The following STAU2 variants were observed in gnomAD, a reference collection of about 807,000 sequenced individuals.
The protein encoded by STAU2 is double-stranded RNA-binding protein Staufen homolog 2.
In STAU2, 20 loss-of-function variants were observed where a neutral mutation model predicts 65.9. That is an observed-to-expected ratio of 0.30 (90% CI 0.21 to 0.44). The LOEUF (loss-of-function observed/expected upper bound fraction) is 0.44. Among genes scored for constraint, STAU2 ranks in the 20% least tolerant of loss-of-function variants. The pLI, the probability that STAU2 is intolerant of heterozygous loss-of-function variation, is 1.00. For missense variants in STAU2, 558 were observed against 683.9 expected, an observed-to-expected ratio of 0.82 and a Z score of 2.05; for synonymous variants, 232 against 233.9, an observed-to-expected ratio of 0.99 and a Z score of 0.07.
At chr8:73,450,381 C>T (rs776799254) in intron 13 of STAU2, among the ~76,000 whole-genome samples, 1 of 152,032 alleles carries the variant, frequency 6.6e-6, no homozygotes, top group Non-Finnish European at 1.5e-5. Flanking sequence ...AAGTTTCACC[C>T]GATTGCCAAA....
chr8:73,725,447 T>C (rs1303825809), intron 3 of STAU2, among the ~76,000 whole-genome samples: 2 of 152,232 alleles, frequency 1.3e-5, no homozygotes, highest in African/African-American at 4.8e-5. Context: ...TTAATTTCTA[T>C]GTATAAGCCC....
chr8:73,459,192 C>A (rs1193064077), intron 13 of STAU2, among the ~76,000 whole-genome samples: 2 of 152,026 alleles, frequency 1.3e-5, no homozygotes, highest in Non-Finnish European at 2.9e-5. Context: ...AATGCAGAGA[C>A]ATAATTTGAA....
chr8:73,433,425 C>T (rs959659779), intron 13 of STAU2, among the ~76,000 whole-genome samples: 1 of 150,898 alleles, frequency 6.6e-6, no homozygotes, highest in Admixed American at 6.6e-5. Context: ...AGGATGGTCT[C>T]GATCTCCTGA....
chr8:73,614,644 C>T (rs192533004), intron 8 of STAU2, among the ~76,000 whole-genome samples: 1 of 152,186 alleles, frequency 6.6e-6, no homozygotes, highest in African/African-American at 2.4e-5. Context: ...TAATTGTTCA[C>T]ATTAGATCAT....
At chr8:73,684,797 G>A (rs1198884969) in intron 5 of STAU2, among the ~76,000 whole-genome samples, 1 of 152,052 alleles carries the variant, frequency 6.6e-6, no homozygotes, top group African/African-American at 2.4e-5. Context: ...CTAAGGACAC[G>A]AATAGATAAT....
intron 6 of STAU2, among the ~76,000 whole-genome samples, chr8:73,658,943 C>A (rs28718449): frequency 0.067 from 9,383 of 140,998 alleles, 354 homozygotes; most frequent in Middle Eastern, 0.11. Flanking sequence ...ACAAAAACAA[C>A]AAAAAAAAAA....
At chr8:73,422,035 C>T (rs1015286169) in intron 14 of STAU2, among the ~76,000 whole-genome samples, 29 of 151,522 alleles carry the variant, frequency 1.9e-4, no homozygotes, top group African/African-American at 7.0e-4. Context: ...CTTCTGTTCA[C>T]ATCTCATTAA....
rs576549715 is a variant in STAU2 at position 73,613,450 on chromosome 8, G to A, written c.891+294C>T. Among the ~76,000 whole-genome samples, 50 of 152,188 alleles carry A rather than the reference G, an allele frequency of 3.3e-4. No individual in the cohort carries two copies. The South Asian group carries it at 9.1e-3, about 28-fold the overall frequency. On this transcript the variant is annotated intron_variant, in intron 9 of 14. Transcript: ENST00000524300. ...AGGGCTAACATCATCTACCTTATACGGTCATGAGGGGGATTATAGTAAAGG... is the reference window on the plus strand; with the variant it reads ...AGGGCTAACATCATCTACCTTATACAGTCATGAGGGGGATTATAGTAAAGG...
intron 13 of STAU2, among the ~76,000 whole-genome samples, chr8:73,444,748 A>T (rs1818375385): frequency 1.3e-5 from 2 of 152,224 alleles, no homozygotes; most frequent in South Asian, 2.1e-4. Context: ...TGGCTCACAA[A>T]GCCCAGCACA....
chr8:73,711,078 G>A (rs745533949), intron 3 of STAU2, among the ~76,000 whole-genome samples: 1 of 144,294 alleles, frequency 6.9e-6, no homozygotes, highest in Non-Finnish European at 1.5e-5. Context: ...ACCAATTGTA[G>A]GGCCAAGACA....
At chr8:73,614,031 A>G (rs559758798) in intron 8 of STAU2, 75 bp from the exon 9 acceptor site, 5 of 1,198,562 alleles carry the variant, frequency 4.2e-6, no homozygotes, top group East Asian at 2.6e-5. Flanking sequence ...CTTAATATTC[A>G]TATCAAAACC....
At chr8:73,558,136 C>A (rs1340417147) in intron 12 of STAU2, among the ~76,000 whole-genome samples, 1 of 152,156 alleles carries the variant, frequency 6.6e-6, no homozygotes. Flanking sequence ...CCTTAAATAG[C>A]CTCCTAAAAG....
intron 13 of STAU2, among the ~76,000 whole-genome samples, chr8:73,540,215 G>A (rs1186648387): frequency 3.3e-5 from 5 of 152,082 alleles, no homozygotes; most frequent in African/African-American, 4.8e-5. Flanking sequence ...GGGTAGACTC[G>A]AAATCTAATA....
At chr8:73,653,974 A>G (rs975694557) in intron 6 of STAU2, 19 of 323,946 alleles carry the variant, frequency 5.9e-5, no homozygotes, top group Non-Finnish European at 6.1e-6. Flanking sequence ...TAATGTGGTT[A>G]GGAAGAGGGA....
At chr8:73,739,916 T>C (rs1445615580) in intron 1 of STAU2, 48 bp from the exon 2 acceptor site, 2 of 755,678 alleles carry the variant, frequency 2.6e-6, no homozygotes, top group East Asian at 2.7e-5. Flanking sequence ...CTTCCAAGAT[T>C]AGGTTATAAA....
At chr8:73,615,863 T>C (rs1812800809) in intron 7 of STAU2, 81 bp from the exon 8 acceptor site, 6 of 1,026,358 alleles carry the variant, frequency 5.8e-6, no homozygotes, top group African/African-American at 3.1e-5. Flanking sequence ...AGATGGCCTA[T>C]TTAAATTACA....
intron 6 of STAU2, among the ~76,000 whole-genome samples, chr8:73,656,190 T>C (rs1368629330): frequency 6.6e-6 from 1 of 152,256 alleles, no homozygotes; most frequent in Admixed American, 6.5e-5. Flanking sequence ...TATTTCTTAC[T>C]GCTAAAATGA....
At chr8:73,746,995 C>G, upstream of STAU2, 1 of 431,420 alleles carries the variant, frequency 2.3e-6, no homozygotes. Context: ...CCAGCACGCC[C>G]GGCCGGCGCG....
At chr8:73,645,017 A>C (rs1294159935) in intron 6 of STAU2, among the ~76,000 whole-genome samples, 1 of 152,192 alleles carries the variant, frequency 6.6e-6, no homozygotes, top group Non-Finnish European at 1.5e-5. Flanking sequence ...TTAAAGATGT[A>C]ATGTCTACTC....
Sources: allele counts gnomAD v4.1 joint callset (sites outside exome capture counted in the v4.1 genomes callset), GRCh38; gene constraint gnomAD v4.1.1; transcripts MANE v1.5; gene names NCBI Gene and HGNC (gene_info 2026-07-23, HGNC 2026-07-21).